FRMPD4: variants seen among roughly 807,000 people sequenced by gnomAD.
FRMPD4 encodes the protein FERM and PDZ domain-containing protein 4.
FRMPD4 carries 22 observed loss-of-function variants against 94.1 expected under a neutral mutation model. The observed-to-expected ratio is 0.23, with a 90% confidence interval of 0.17 to 0.33. The LOEUF is 0.33. Among genes scored for constraint, FRMPD4 ranks in the 10% least tolerant of loss-of-function variants. FRMPD4 has a pLI of 1.00. For synonymous variants in FRMPD4, 631 were observed against 548.6 expected (o/e 1.15, Z -2.10); for missense variants, 1,111 against 1,339.9 (o/e 0.83, Z 2.67).
At chrX:12,670,849 G>A (rs1439720490) in intron 4 of FRMPD4, among the ~76,000 whole-genome samples, 1 of 111,510 alleles carries the variant, frequency 9.0e-6, no homozygotes, top group African/African-American at 3.3e-5. Flanking sequence ...CCTGACAAAG[G>A]GCTAATATCC....
intron 1 of FRMPD4, among the ~76,000 whole-genome samples, chrX:12,364,912 G>A (rs1361498720): frequency 8.9e-6 from 1 of 112,416 alleles, no homozygotes; most frequent in African/African-American, 3.2e-5. Context: ...AAAGTCTAAT[G>A]CACATCAGCC....
chrX:11,926,093 G>C (rs554781954), intron 3 of FRMPD4, among the ~76,000 whole-genome samples: 2 of 110,382 alleles, frequency 1.8e-5, no homozygotes, highest in African/African-American at 6.6e-5. Context: ...ACAACCATCA[G>C]AGAATAATAT....
intron 1 of FRMPD4, among the ~76,000 whole-genome samples, chrX:11,859,087 T>C (rs930015057): frequency 4.4e-5 from 5 of 112,392 alleles, no homozygotes; most frequent in Admixed American, 3.8e-4. Flanking sequence ...TTCCTCACCA[T>C]GTTCTTCAAC....
At chrX:12,499,936 A>G (rs1246992981) in intron 2 of FRMPD4, among the ~76,000 whole-genome samples, 2 of 112,081 alleles carry the variant, frequency 1.8e-5, no homozygotes, top group Non-Finnish European at 3.8e-5. Context: ...GTCAAAATTA[A>G]AGGCTGTGTT....
At chrX:12,554,121 C>T (rs1395564075) in intron 2 of FRMPD4, among the ~76,000 whole-genome samples, 2 of 111,972 alleles carry the variant, frequency 1.8e-5, no homozygotes, top group African/African-American at 6.5e-5. Flanking sequence ...TGAATATTTA[C>T]AAACATCATT....
intron 1 of FRMPD4, among the ~76,000 whole-genome samples, chrX:12,300,657 T>C (rs1017974067): frequency 8.9e-6 from 1 of 112,075 alleles, no homozygotes; most frequent in Non-Finnish European, 1.9e-5. Flanking sequence ...ATCTGAAAAG[T>C]AGTTCCTGAA....
In FRMPD4 at chrX:12,720,805, C is replaced by G; in HGVS notation, c.4236C>G (p.Val1412=). The G allele has an allele frequency of 1.0e-6, 1 of 978,519 alleles. No homozygotes were observed. Among genetic ancestry groups the G allele is most frequent in the Non-Finnish European group, 1.3e-6 (1 of 778,161 alleles). The allele number at this position is 978,519 out of a possible 1,213,427, so 80.6% of individuals were successfully genotyped here. The change falls in exon 17 of 17, where the codon GTC becomes GTG. Residue 1412 remains valine (V), a synonymous_variant. Coordinates refer to ENST00000675598, the MANE Select transcript of FRMPD4 (RefSeq NM_001368397.1). ...GCAGCAGTATCCTCTCCGGATCTGT[C>G]GATTTGGAGACCTTCCGAGAGAGAA... ...RHSSSILSGS[V]DLETFRERTK...
In FRMPD4 at chrX:12,720,664, C is replaced by T. The variant is rs1407254984; in HGVS notation, c.4095C>T (p.Asp1365=). The T allele has an allele frequency of 8.0e-6, 9 of 1,129,398 alleles. No individual in the cohort carries two copies. The highest frequency in any genetic ancestry group is 3.7e-5 in the African/African-American group (2 of 54,713). The allele number at this position is 1,129,398 out of a possible 1,213,427, so 93.1% of individuals were successfully genotyped here. Residue 1365 remains aspartate (D), a synonymous_variant, in exon 17 of 17, where the codon GAC becomes GAT. Coordinates refer to ENST00000675598, the MANE Select transcript of FRMPD4 (RefSeq NM_001368397.1). Reference sequence around the variant, plus strand: ...CAAAGGTGCCAATTCCAAATCAAGACCCTAATGATTTCTCCCAAGCAAATC... The same window carrying T: ...CAAAGGTGCCAATTCCAAATCAAGATCCTAATGATTTCTCCCAAGCAAATC... ...SESKVPIPNQ[D]PNDFSQANQA...
At chrX:12,337,916 A>G (rs2055551973) in intron 1 of FRMPD4, among the ~76,000 whole-genome samples, 1 of 112,477 alleles carries the variant, frequency 8.9e-6, no homozygotes, top group Admixed American at 9.4e-5. Context: ...TATAAACAAT[A>G]GAAATGTATT....
chrX:11,880,203 A>G lies in FRMPD4; in HGVS notation c.95+2185A>G, dbSNP rs1158266734. Among the ~76,000 whole-genome samples the G allele has an allele frequency of 3.6e-5, 4 of 111,417 alleles. No homozygotes were observed. The South Asian group carries it at 1.1e-3, about 32-fold the overall frequency. On this transcript the variant is annotated intron_variant, in intron 3 of 18. Transcript: ENST00000640291. ...CCTAGAGCCTTCATTTATTGGCTATATGATTTTGGGCAAGTTTGTCAGCTT... is the reference window on the plus strand; with the variant it reads ...CCTAGAGCCTTCATTTATTGGCTATGTGATTTTGGGCAAGTTTGTCAGCTT...
At chrX:12,464,447 A>G (rs1487456541) in intron 1 of FRMPD4, among the ~76,000 whole-genome samples, 4 of 112,417 alleles carry the variant, frequency 3.6e-5, no homozygotes, top group Non-Finnish European at 7.5e-5. Flanking sequence ...TTGTCCTTTT[A>G]CCATCATCTG....
intron 1 of FRMPD4, among the ~76,000 whole-genome samples, chrX:12,362,850 C>T (rs147981948): frequency 3.2e-3 from 358 of 111,954 alleles, no homozygotes; most frequent in African/African-American, 0.011. Flanking sequence ...TGTTTCTCCA[C>T]ATCCTCTCCA....
chrX:11,955,752 A>C (rs1484254901), intron 3 of FRMPD4, among the ~76,000 whole-genome samples: 7 of 109,712 alleles, frequency 6.4e-5, no homozygotes. Flanking sequence ...AAAAAGAAAA[A>C]AAAAAAAAAA....
chrX:12,675,318 T>C (rs1362842020), intron 5 of FRMPD4, among the ~76,000 whole-genome samples: 1 of 110,840 alleles, frequency 9.0e-6, no homozygotes, highest in Non-Finnish European at 1.9e-5. Context: ...TAGCAAAGCC[T>C]GCTTTAAGAA....
At chrX:11,855,713 G>A (rs745963509) in intron 1 of FRMPD4, among the ~76,000 whole-genome samples, 1 of 112,227 alleles carries the variant, frequency 8.9e-6, no homozygotes, top group South Asian at 3.8e-4. Flanking sequence ...TTTGGTCAAA[G>A]GCATTCAACA....
intron 3 of FRMPD4, among the ~76,000 whole-genome samples, chrX:12,101,056 C>T (rs951338433): frequency 3.6e-5 from 4 of 112,173 alleles, no homozygotes; most frequent in African/African-American, 1.3e-4. Flanking sequence ...CATCCAGCAT[C>T]GAGATGTGTG....
At chrX:11,864,606 C>T (rs923379309) in intron 1 of FRMPD4, among the ~76,000 whole-genome samples, 3 of 111,694 alleles carry the variant, frequency 2.7e-5, no homozygotes, top group African/African-American at 9.7e-5. Context: ...CAAAGCTATC[C>T]TGTCATTCTT....
intron 2 of FRMPD4, among the ~76,000 whole-genome samples, chrX:12,605,775 G>A (rs757455089): frequency 2.7e-5 from 3 of 110,830 alleles, no homozygotes; most frequent in Non-Finnish European, 3.8e-5. Flanking sequence ...CCTGTTCCCT[G>A]CTGATCATTA....
rs180704720 is a variant in FRMPD4, at chrX:12,649,294, C to T, written c.423-25569C>T. Among the ~76,000 whole-genome samples the T allele has an allele frequency of 4.5e-5, 5 of 112,011 alleles. No individual in the cohort carries two copies. In the East Asian group the frequency reaches 1.1e-3, roughly 25 times the overall value. Reference sequence around the variant, plus strand: ...GAGCCAACTCCATGTCTGGGCTAGCCTCTCCTCTGTGTCTTCTAGAATGCT... The same window carrying T: ...GAGCCAACTCCATGTCTGGGCTAGCTTCTCCTCTGTGTCTTCTAGAATGCT... On this transcript the variant is annotated intron_variant, in intron 4 of 16. Coordinates refer to ENST00000675598, the MANE Select transcript of FRMPD4 (RefSeq NM_001368397.1).
Sources: gnomAD v4.1 joint callset for allele counts (sites outside exome capture counted in the v4.1 genomes callset) on GRCh38, gnomAD v4.1.1 for gene constraint, MANE v1.5 for transcripts, NCBI Gene and HGNC (gene_info 2026-07-23, HGNC 2026-07-21) for gene names.